The following HGF variants were observed in gnomAD, a reference collection of about 807,000 sequenced individuals.
HGF encodes the protein hepatocyte growth factor.
In HGF, 39 loss-of-function variants were observed where a neutral mutation model predicts 111.6. That is an observed-to-expected ratio of 0.35 (90% CI 0.27 to 0.46). HGF has a LOEUF of 0.46. Ranked by LOEUF, HGF falls within the 20% of genes least tolerant of loss-of-function variation. The pLI is 1.00. For missense variants in HGF, 735 were observed against 910.5 expected (o/e 0.81, Z 2.48); for synonymous variants, 285 against 294.8 (o/e 0.97, Z 0.34).
In HGF at chr7:81,769,879, C is replaced by G; in HGVS notation, c.88+5G>C. The G allele has an allele frequency of 6.4e-7, 1 of 1,558,400 alleles. No individual in the cohort carries two copies. Among genetic ancestry groups the G allele is most frequent in the East Asian group, 2.4e-5 (1 of 41,982 alleles). ...CTAATAATGAAGAAGAAGAAGGGAA[C>G]TAACCTGCATAGGGGATGGCGATGG... On this transcript the variant is annotated splice_donor_5th_base_variant and intron_variant, in intron 1 of 17. Coordinates refer to ENST00000222390, the MANE Select transcript of HGF (RefSeq NM_000601.6).
At chr7:81,751,082 T>A in intron 5 of HGF, 1 of 978,102 alleles carries the variant, frequency 1.0e-6, no homozygotes, top group Non-Finnish European at 1.2e-6. Flanking sequence ...CTGTGACAAT[T>A]AGCTAACAGT....
In HGF at chr7:81,745,051, C is replaced by A. The variant is rs1788180298; in HGVS notation, c.695G>T (p.Cys232Phe). ...LMDHTESGKI[C>F]QRWDHQTPHR... ...TGGTGTCTGATGATCCCAGCGCTGA[C>A]AAATCTTGCCTGATTCTGTATGATC... The change falls in exon 6 of 18, where the codon TGT becomes TTT. Residue 232 changes from cysteine to phenylalanine, a missense_variant. Transcript: ENST00000222390. The A allele has an allele frequency of 1.2e-6, 2 of 1,614,022 alleles. No homozygotes were observed. Among genetic ancestry groups the A allele is most frequent in the Non-Finnish European group, 8.5e-7 (1 of 1,179,974 alleles).
intron 2 of HGF, among the ~76,000 whole-genome samples, chr7:81,759,591 G>A (rs941513868): frequency 2.0e-5 from 3 of 150,504 alleles, no homozygotes; most frequent in African/African-American, 4.9e-5. Context: ...TGCAAGCTCC[G>A]CCTCCCGGGT....
chr7:81,708,524 CTTTTTTT>C (rs3081099), intron 13 of HGF, among the ~76,000 whole-genome samples: 863 of 72,422 alleles, frequency 0.012, 9 homozygotes, highest in African/African-American at 0.046. Flanking sequence ...TTCCTTCCTT[CTTTTTTT>C]TTTTTTTTTT....
intron 2 of HGF, among the ~76,000 whole-genome samples, chr7:81,759,230 CA>C (rs1389188057): frequency 6.6e-6 from 1 of 152,060 alleles, no homozygotes; most frequent in African/African-American, 2.4e-5. Flanking sequence ...TAAGCTATCT[CA>C]ATTATATCTG....
At chr7:81,710,918 C>T (rs977904) in intron 12 of HGF, among the ~76,000 whole-genome samples, 134,801 of 152,172 alleles carry the variant, frequency 0.89, 60,086 homozygotes, top group East Asian at 1. Flanking sequence ...AGGTGGTATT[C>T]TAAATCAAAA....
chr7:81,726,887 ATAAG>A (rs1025961828), intron 8 of HGF, among the ~76,000 whole-genome samples: 6 of 152,008 alleles, frequency 3.9e-5, no homozygotes, highest in African/African-American at 1.4e-4. Flanking sequence ...CTAATTTTAA[ATAAG>A]TAGGTGCTTT....
chr7:81,751,533 A>G, intron 5 of HGF: 1 of 985,866 alleles, frequency 1.0e-6, no homozygotes, highest in South Asian at 4.7e-5. Flanking sequence ...GGTGGTCTCC[A>G]TTGCTTTGAT....
rs560655072 is a variant in HGF, at chr7:81,708,604, C to T, written c.1542-1240G>A. On this transcript the variant is annotated intron_variant, in intron 13 of 17. Coordinates refer to ENST00000222390, the MANE Select transcript of HGF (RefSeq NM_000601.6). ...GATTACAGGCATGTGCCACCATGCC[C>T]GGCTAATTTTTGTATTTTTAGTAGA... Among the ~76,000 whole-genome samples, 566 of 129,460 alleles carry T rather than the reference C, an allele frequency of 4.4e-3. 2 individuals are homozygous for T. The highest frequency in any genetic ancestry group is 0.012 in the Middle Eastern group (2 of 162). 84.9% of individuals were successfully genotyped at this position (129,460 alleles called of 152,430 possible).
intron 7 of HGF, among the ~76,000 whole-genome samples, chr7:81,732,831 T>C (rs1175698625): frequency 6.6e-6 from 1 of 152,166 alleles, no homozygotes; most frequent in African/African-American, 2.4e-5. Flanking sequence ...AGAACCTCTG[T>C]GAAATGAAAG....
At chr7:81,746,096 C>T (rs558748807) in intron 5 of HGF, among the ~76,000 whole-genome samples, 5 of 152,306 alleles carry the variant, frequency 3.3e-5, no homozygotes, top group Admixed American at 2.6e-4. Context: ...TTTTATCCAA[C>T]GGAATCTAGC....
At position 81,725,826 on chromosome 7, in the gene HGF, G is replaced by T; in HGVS notation, c.1168+64C>A. 2.6e-6 allele frequency: 4 copies of T among 1,559,038 alleles called. No homozygotes were observed. The South Asian group carries it at 4.4e-5, about 17-fold the overall frequency. ...AAGTAGATCTTATGCTGTAAAATGT[G>T]TCCTCCCTTTAGGCATTTCCCCTGA... On this transcript the variant is annotated intron_variant, in intron 9 of 17. Coordinates refer to ENST00000222390, the MANE Select transcript of HGF (RefSeq NM_000601.6).
chr7:81,705,787 A>C, intron 15 of HGF, 34 bp from the exon 16 acceptor site: 35 of 1,194,344 alleles, frequency 2.9e-5, no homozygotes, highest in Middle Eastern at 1.9e-4. Flanking sequence ...AAGTACTCTC[A>C]ACTGGATTCA....
At chr7:81,727,718 T>G (rs1054790180) in intron 8 of HGF, among the ~76,000 whole-genome samples, 3 of 152,160 alleles carry the variant, frequency 2.0e-5, no homozygotes, top group African/African-American at 7.2e-5. Flanking sequence ...ACTCCTGACC[T>G]CAAGCCATCC....
intron 7 of HGF, chr7:81,743,066 C>G: frequency 1.1e-6 from 1 of 949,602 alleles, no homozygotes; most frequent in Non-Finnish European, 1.6e-6. Context: ...TTTTCTCTCT[C>G]TGTGGTTTTT....
chr7:81,733,720 A>C (rs2115953664), intron 7 of HGF, among the ~76,000 whole-genome samples: 1 of 152,304 alleles, frequency 6.6e-6, no homozygotes, highest in East Asian at 1.9e-4. Flanking sequence ...TCAATAAATA[A>C]GAGTTATTAT....
chr7:81,730,963 G>T (rs949412695), intron 7 of HGF, among the ~76,000 whole-genome samples: 1 of 152,150 alleles, frequency 6.6e-6, no homozygotes, highest in African/African-American at 2.4e-5. Flanking sequence ...AATTAGACAT[G>T]CTTTCAGTGA....
chr7:81,763,365 A>T (rs1197907813), intron 1 of HGF, among the ~76,000 whole-genome samples: 1 of 152,144 alleles, frequency 6.6e-6, no homozygotes, highest in African/African-American at 2.4e-5. Context: ...CCTACTCTTT[A>T]AAGTCTTTCA....
chr7:81,763,001 G>T, intron 1 of HGF, 129 bp from the exon 2 acceptor site: 1 of 648,330 alleles, frequency 1.5e-6, no homozygotes, highest in South Asian at 1.9e-5. Context: ...GATTTCCAGG[G>T]GTTAGGAGCA....
Sources: gnomAD v4.1 joint callset for allele counts (sites outside exome capture counted in the v4.1 genomes callset) on GRCh38, gnomAD v4.1.1 for gene constraint, MANE v1.5 for transcripts, NCBI Gene and HGNC (gene_info 2026-07-23, HGNC 2026-07-21) for gene names.